LAMC3: variants seen among roughly 807,000 people sequenced by gnomAD.
The protein encoded by LAMC3 is laminin subunit gamma 3.
Under a neutral mutation model 173.8 loss-of-function variants are expected in LAMC3, and 128 were observed. The observed-to-expected ratio is 0.74, with a 90% CI of 0.64 to 0.85. The LOEUF (loss-of-function observed/expected upper bound fraction) is 0.85. LAMC3 is among the 40% of genes least tolerant of loss of function. The pLI is 0.00. For missense variants in LAMC3, 2,022 were observed against 2,156.0 expected (o/e 0.94, Z 1.23); for synonymous variants, 897 against 909.1 (o/e 0.99, Z 0.24).
intron 27 of LAMC3, among the ~76,000 whole-genome samples, chr9:131,090,891 T>C (rs1830413242): frequency 6.6e-6 from 1 of 152,048 alleles, no homozygotes; most frequent in African/African-American, 2.4e-5. Flanking sequence ...TAGCGGAGCA[T>C]GGTGGCAGGC....
intron 1 of LAMC3, among the ~76,000 whole-genome samples, chr9:131,020,891 T>C (rs1015008466): frequency 2.0e-5 from 3 of 152,206 alleles, no homozygotes; most frequent in African/African-American, 7.2e-5. Flanking sequence ...TTCGGTTCTT[T>C]TGGGTATATC....
At chr9:131,011,547 G>T (rs567268019) in intron 1 of LAMC3, among the ~76,000 whole-genome samples, 1 of 152,278 alleles carries the variant, frequency 6.6e-6, no homozygotes, top group South Asian at 2.1e-4. Flanking sequence ...AGAGCACACA[G>T]GTACTGGCTG....
chr9:131,025,085 G>T (rs964364260), intron 1 of LAMC3, among the ~76,000 whole-genome samples: 2 of 152,122 alleles, frequency 1.3e-5, no homozygotes, highest in South Asian at 2.1e-4. Context: ...AATCATACCC[G>T]CTCTCAGTGT....
chr9:131,091,560 C>A lies in LAMC3; in HGVS notation c.4501C>A (p.Pro1501Thr). ...RLGSLDTHQA[P>T]AQALNETQWA... Reference sequence around the variant, plus strand: ...AGGGTCGCTGGACACCCATCAAGCCCCAGCCCAGGCCCTGAACGAGACTCA... The same window carrying A: ...AGGGTCGCTGGACACCCATCAAGCCACAGCCCAGGCCCTGAACGAGACTCA... The change falls in exon 28 of 28, where the codon CCA becomes ACA. Residue 1501 changes from proline (P) to threonine (T), a missense_variant. Transcript: ENST00000361069. 6.3e-7 allele frequency: 1 copy of A among 1,586,268 alleles called. No individual in the cohort carries two copies.
chr9:131,058,123 A>G (rs117556110), intron 12 of LAMC3, among the ~76,000 whole-genome samples: 1 of 105,132 alleles, frequency 9.5e-6, no homozygotes, highest in African/African-American at 3.8e-5. Flanking sequence ...TTTATTTTTT[A>G]TTTTTTGTGG....
At chr9:131,068,476 G>T (rs1313203438) in intron 15 of LAMC3, among the ~76,000 whole-genome samples, 2 of 152,144 alleles carry the variant, frequency 1.3e-5, no homozygotes, top group African/African-American at 4.8e-5. Flanking sequence ...TGGCCGGTTT[G>T]GTCTCTGATT....
intron 23 of LAMC3, among the ~76,000 whole-genome samples, chr9:131,080,816 C>T (rs1209438718): frequency 6.6e-6 from 1 of 152,160 alleles, no homozygotes; most frequent in Non-Finnish European, 1.5e-5. Flanking sequence ...CCCACCACAG[C>T]ACCCATGCCT....
rs1834141904 is a variant in LAMC3 at position 131,045,642 on chromosome 9, C to T, written c.1501C>T (p.Leu501Phe). Reference sequence around the variant, plus strand: ...TGCCCAGTTCCAGGTGCATCACATCCTCAGCGATTTCCACCAGGGTAAGAG... The same window carrying T: ...TGCCCAGTTCCAGGTGCATCACATCTTCAGCGATTTCCACCAGGGTAAGAG... ...STAQFQVHHI[L>F]SDFHQGAEGW... Residue 501 changes from leucine (L) to phenylalanine (F), a missense_variant, in exon 8 of 28, where the codon CTC becomes TTC. Transcript: ENST00000361069. 1.9e-6 allele frequency: 3 copies of T among 1,614,200 alleles called. No individual in the cohort carries two copies. The highest frequency in any genetic ancestry group is 1.7e-6 in the Non-Finnish European group (2 of 1,180,050).
Position 131,092,222 on chromosome 9 carries a change from G to A in LAMC3, c.*435G>A, listed in dbSNP as rs575346563. ...TGTTGGGCAAGTTGTTACATGAGAT[G>A]CCCTGGGGTGCTACATCCACTCACT... On this transcript the variant is annotated 3_prime_UTR_variant, in exon 28 of 28. Transcript: ENST00000361069. The A allele has an allele frequency of 3.1e-5, 8 of 254,612 alleles. No individual in the cohort carries two copies. Among genetic ancestry groups the A allele is most frequent in the Non-Finnish European group, 6.2e-5 (8 of 128,538 alleles). 15.8% of individuals were successfully genotyped at this position (254,612 alleles called of 1,614,324 possible). A position where few individuals can be genotyped will look rare whatever the true frequency, so the allele number is the denominator to read the frequency against.
intron 2 of LAMC3, among the ~76,000 whole-genome samples, chr9:131,031,756 C>T (rs1435680560): frequency 2.0e-5 from 3 of 152,196 alleles, no homozygotes; most frequent in Non-Finnish European, 4.4e-5. Context: ...CTCCCCCAGA[C>T]ATGTTTGTAG....
chr9:131,066,904 C>T (rs1829944655), intron 13 of LAMC3, 56 bp from the exon 14 acceptor site: 10 of 1,598,290 alleles, frequency 6.3e-6, no homozygotes, highest in South Asian at 1.1e-5. Context: ...CACCCACCCT[C>T]ATCCCTGGTG....
At chr9:131,044,951 G>A (rs1397244115) in intron 7 of LAMC3, among the ~76,000 whole-genome samples, 5 of 152,144 alleles carry the variant, frequency 3.3e-5, no homozygotes, top group Admixed American at 6.6e-5. Flanking sequence ...CGCTGGGCGC[G>A]GTGGCTCAAG....
At chr9:131,075,756 T>C (rs1830114599) in intron 20 of LAMC3, 75 bp from the exon 21 acceptor site, 1 of 1,505,870 alleles carries the variant, frequency 6.6e-7, no homozygotes, top group Non-Finnish European at 9.0e-7. Flanking sequence ...GCCTGTGTAG[T>C]AGGGGGCGTA....
At chr9:131,012,744 C>G (rs1484836539) in intron 1 of LAMC3, among the ~76,000 whole-genome samples, 1 of 152,246 alleles carries the variant, frequency 6.6e-6, no homozygotes, top group African/African-American at 2.4e-5. Flanking sequence ...TCTGCTGGCT[C>G]TGTCCCCCCA....
rs1830054412 is a variant in LAMC3 at position 131,072,648 on chromosome 9, T to C, written c.3230T>C (p.Leu1077Pro). ...CCCATAGGGGCTCGGGAAGCCTTCC[T>C]GGAGCAGATGATGAGCCTCGAGGGT... Reference protein sequence around the residue: ...HLLPGAREAFLEQMMSLEGAV... With the variant: ...HLLPGAREAFPEQMMSLEGAV... Residue 1077 changes from leucine (L) to proline (P), a missense_variant, in exon 19 of 28, where the codon CTG becomes CCG. Coordinates refer to ENST00000361069, the MANE Select transcript of LAMC3 (RefSeq NM_006059.4). The C allele has an allele frequency of 6.2e-7, 1 of 1,610,552 alleles. No individual in the cohort carries two copies. The highest frequency in any genetic ancestry group is 8.5e-7 in the Non-Finnish European group (1 of 1,179,674).
intron 27 of LAMC3, among the ~76,000 whole-genome samples, chr9:131,090,239 C>CT (rs1304876370): frequency 6.6e-6 from 1 of 152,250 alleles, no homozygotes; most frequent in South Asian, 2.1e-4. Context: ...AGCAGACACT[C>CT]TCTTCAACCA....
chr9:131,061,437 G>C (rs1829821642), intron 13 of LAMC3, among the ~76,000 whole-genome samples: 1 of 152,196 alleles, frequency 6.6e-6, no homozygotes, highest in Admixed American at 6.5e-5. Context: ...AGCAGAATTT[G>C]GGCCATTGAG....
chr9:131,085,797 G>T, intron 25 of LAMC3, 74 bp downstream of exon 25: 1 of 1,423,878 alleles, frequency 7.0e-7, no homozygotes, highest in South Asian at 1.2e-5. Context: ...GCCCCTTCCC[G>T]ACATCCGTGC....
At chr9:131,032,557 G>A (rs930135976) in intron 3 of LAMC3, among the ~76,000 whole-genome samples, 1 of 132,102 alleles carries the variant, frequency 7.6e-6, no homozygotes, top group Non-Finnish European at 1.6e-5. Context: ...GCTCTCTCTC[G>A]CTCTCTCTCT....
Sources: allele counts gnomAD v4.1 joint callset (sites outside exome capture counted in the v4.1 genomes callset), GRCh38; gene constraint gnomAD v4.1.1; transcripts MANE v1.5; gene names NCBI Gene and HGNC (gene_info 2026-07-23, HGNC 2026-07-21).